The following TOP6BL variants were observed in gnomAD, a reference collection of about 807,000 sequenced individuals.
TOP6BL encodes TOP6B like initiator of meiotic double strand breaks, also known as type 2 DNA topoisomerase 6 subunit B-like.
chr11:66,828,318 T>C, the TOP6BL span: 1 of 1,613,896 alleles, frequency 6.2e-7, no homozygotes, highest in African/African-American at 1.3e-5. Flanking sequence ...TTTCGTGAGA[T>C]CACCCAACAC....
chr11:66,833,777 G>A, the TOP6BL span, among the ~76,000 whole-genome samples: 14 of 152,026 alleles, frequency 9.2e-5, no homozygotes, highest in Admixed American at 2.0e-4. Flanking sequence ...GCAAAATTCC[G>A]TCTCTACTAA....
the TOP6BL span, among the ~76,000 whole-genome samples, chr11:66,747,123 G>C: frequency 3.9e-4 from 59 of 151,964 alleles, no homozygotes; most frequent in African/African-American, 1.4e-3. Context: ...TTTTAGTAGA[G>C]ATGGGGTTTC....
chr11:66,775,479 T>C, the TOP6BL span, among the ~76,000 whole-genome samples: 1 of 152,344 alleles, frequency 6.6e-6, no homozygotes, highest in South Asian at 2.1e-4. Context: ...GGCTGGGTCA[T>C]GTAACTTGCC....
chr11:66,762,384 G>T, the TOP6BL span: 1 of 362,346 alleles, frequency 2.8e-6, no homozygotes, highest in South Asian at 2.5e-5. Context: ...GGCACTCAGC[G>T]CAGCAGTGGC....
At chr11:66,796,785 G>GA in the TOP6BL span, among the ~76,000 whole-genome samples, 5,042 of 95,370 alleles carry the variant, frequency 0.053, 275 homozygotes, top group African/African-American at 0.16. Flanking sequence ...CCTGTCTTTG[G>GA]AAAAAAAAAA....
chr11:66,824,799 G>C, the TOP6BL span, among the ~76,000 whole-genome samples: 15 of 151,944 alleles, frequency 9.9e-5, no homozygotes, highest in Non-Finnish European at 2.1e-4. Flanking sequence ...TGGCTGCATA[G>C]TATTCCATGG....
At chr11:66,817,798 C>T in the TOP6BL span, among the ~76,000 whole-genome samples, 1 of 152,058 alleles carries the variant, frequency 6.6e-6, no homozygotes, top group Non-Finnish European at 1.5e-5. Context: ...CCTCCCACCT[C>T]GGCCTCCCAA....
the TOP6BL span, among the ~76,000 whole-genome samples, chr11:66,775,847 A>G: frequency 6.6e-6 from 1 of 152,134 alleles, no homozygotes; most frequent in Non-Finnish European, 1.5e-5. Flanking sequence ...AATTCTTTTC[A>G]TAATGGTCTT....
At chr11:66,764,075 T>C in the TOP6BL span, among the ~76,000 whole-genome samples, 1 of 152,320 alleles carries the variant, frequency 6.6e-6, no homozygotes, top group East Asian at 1.9e-4. Flanking sequence ...TCTCCCTTTA[T>C]ACCCCTAGTG....
At chr11:66,777,840 C>T in the TOP6BL span, among the ~76,000 whole-genome samples, 2 of 152,104 alleles carry the variant, frequency 1.3e-5, no homozygotes, top group Non-Finnish European at 2.9e-5. Flanking sequence ...CCACTGCACT[C>T]CAACCTGGGC....
chr11:66,755,415 C>G, the TOP6BL span, among the ~76,000 whole-genome samples: 3 of 152,182 alleles, frequency 2.0e-5, no homozygotes, highest in African/African-American at 7.2e-5. Context: ...GCCACTGTGC[C>G]TAGCCTGTAG....
the TOP6BL span, among the ~76,000 whole-genome samples, chr11:66,747,980 G>A: frequency 6.6e-6 from 1 of 152,136 alleles, no homozygotes; most frequent in Non-Finnish European, 1.5e-5. Flanking sequence ...GAAAGATCAA[G>A]ATGATTCATA....
the TOP6BL span, among the ~76,000 whole-genome samples, chr11:66,777,103 A>ATATATC: frequency 6.7e-5 from 10 of 150,172 alleles, no homozygotes; most frequent in South Asian, 6.3e-4. Flanking sequence ...ATCTATATCT[A>ATATATC]TATATCTATA....
the TOP6BL span, among the ~76,000 whole-genome samples, chr11:66,762,770 A>G: frequency 1.3e-5 from 2 of 152,188 alleles, no homozygotes; most frequent in East Asian, 3.9e-4. Context: ...CGCCCGGCCA[A>G]TACCTTTCTT....
chr11:66,834,536 T>C, the TOP6BL span, among the ~76,000 whole-genome samples: 2 of 152,216 alleles, frequency 1.3e-5, no homozygotes, highest in Non-Finnish European at 2.9e-5. Context: ...AAAGGTAGAA[T>C]AGCTGACCTC....
the TOP6BL span, among the ~76,000 whole-genome samples, chr11:66,809,379 A>G: frequency 6.6e-6 from 1 of 152,222 alleles, no homozygotes; most frequent in Non-Finnish European, 1.5e-5. Flanking sequence ...AGAATTTCAT[A>G]TCCAATCCAA....
the TOP6BL span, among the ~76,000 whole-genome samples, chr11:66,835,998 C>T: frequency 6.6e-6 from 1 of 152,178 alleles, no homozygotes; most frequent in Non-Finnish European, 1.5e-5. Context: ...CATCATTTTA[C>T]ATTCCTGCCA....
chr11:66,774,700 T>C, the TOP6BL span, among the ~76,000 whole-genome samples: 1 of 152,058 alleles, frequency 6.6e-6, no homozygotes. Context: ...CTCGATCTCC[T>C]GACCTCGTGA....
chr11:66,797,754 C>G, the TOP6BL span, among the ~76,000 whole-genome samples: 20 of 152,292 alleles, frequency 1.3e-4, no homozygotes, highest in African/African-American at 4.8e-4. Flanking sequence ...ATCCACCTGT[C>G]TCAGACTCTC....
Sources: allele counts gnomAD v4.1 joint callset (sites outside exome capture counted in the v4.1 genomes callset), GRCh38; gene constraint gnomAD v4.1.1; transcripts MANE v1.5; gene names NCBI Gene and HGNC (gene_info 2026-07-23, HGNC 2026-07-21).